HIVEP3: variants seen among roughly 807,000 people sequenced by gnomAD.
HIVEP3 encodes the protein transcription factor HIVEP3.
In HIVEP3, 49 loss-of-function variants were observed where a neutral mutation model predicts 152.8. The ratio of observed to expected loss-of-function variants is 0.32; its 90% CI spans 0.26 to 0.41. The LOEUF is 0.41. Ranked by LOEUF, HIVEP3 falls within the 10% of genes least tolerant of loss-of-function variation. The pLI is 1.00. For synonymous variants in HIVEP3, 1,269 were observed against 1,289.0 expected, an observed-to-expected ratio of 0.98 and a Z score of 0.33; for missense variants, 2,790 against 3,103.3, an observed-to-expected ratio of 0.90 and a Z score of 2.40.
rs1429649032 is a variant in HIVEP3, at chr1:41,526,935, AC to A, written c.5208-2026del. Among the ~76,000 whole-genome samples the A allele has an allele frequency of 2.4e-5, 3 of 125,778 alleles. No homozygotes were observed. The Admixed American group carries it at 2.5e-4, about 10-fold the overall frequency. 82.5% of individuals were successfully genotyped at this position (125,778 alleles called of 152,430 possible). ...TCTCCACACACACCCTCACATGCTC[AC>A]CCTCACACATGCTCACACCCCACTC... is the stretch of plus-strand genomic sequence containing the variant. On this transcript the variant is annotated intron_variant, in intron 5 of 8. Coordinates refer to ENST00000372583, the MANE Select transcript of HIVEP3 (RefSeq NM_024503.5).
chr1:41,545,528 T>C (rs1231978109), intron 5 of HIVEP3, among the ~76,000 whole-genome samples: 80 of 35,762 alleles, frequency 2.2e-3, no homozygotes, highest in East Asian at 3.9e-3. Flanking sequence ...TCACCACCAC[T>C]ACCATCACCA....
At chr1:41,955,536 C>T (rs1437590957) in intron 1 of HIVEP3, among the ~76,000 whole-genome samples, 1 of 152,196 alleles carries the variant, frequency 6.6e-6, no homozygotes, top group Admixed American at 6.5e-5. Context: ...ACAACAATGA[C>T]CTCACCGTAT....
chr1:41,897,479 G>A (rs777757186), intron 1 of HIVEP3, among the ~76,000 whole-genome samples: 2 of 152,116 alleles, frequency 1.3e-5, no homozygotes, highest in African/African-American at 2.4e-5. Context: ...CTGAGGACAC[G>A]TAGAAGGCAT....
chr1:41,576,205 T>G (rs1412630102), intron 4 of HIVEP3, among the ~76,000 whole-genome samples: 6 of 152,206 alleles, frequency 3.9e-5, no homozygotes. Flanking sequence ...ACAGGTCTCT[T>G]GCTTCCAGGA....
Position 41,527,197 on chromosome 1 carries a change from C to T in HIVEP3, c.5208-2287G>A, listed in dbSNP as rs143701096. Among the ~76,000 whole-genome samples, 172 of 133,722 alleles carry T rather than the reference C, an allele frequency of 1.3e-3. 7 individuals carry two copies. In the East Asian group the frequency reaches 0.034, roughly 27 times the overall value. The allele number at this position is 133,722 out of a possible 152,430, so 87.7% of individuals were successfully genotyped here. On this transcript the variant is annotated intron_variant, in intron 5 of 8. Transcript: ENST00000372583. ...ACACACCCACTCACCTTCACTCCCA[C>T]TCCCACACATGCTCACCCTCACACA...
At chr1:41,538,786 G>C (rs1469254961) in intron 5 of HIVEP3, among the ~76,000 whole-genome samples, 1 of 34,674 alleles carries the variant, frequency 2.9e-5, no homozygotes, top group Admixed American at 1.6e-4. Flanking sequence ...AGGGAGGCAG[G>C]CAGGAATGGG....
Position 41,825,097 on chromosome 1 carries a change from G to A in HIVEP3, c.-801+93316C>T, listed in dbSNP as rs147472638. ...GCTGTTTATTCACCTGGGTGCAGGC[G>A]GGCTGAGTCTGAGAAAGGAGTCAGC... On this transcript the variant is annotated intron_variant, in intron 1 of 8. Coordinates refer to ENST00000372583, the MANE Select transcript of HIVEP3 (RefSeq NM_024503.5). 3.6e-3 allele frequency among the ~76,000 whole-genome samples: 544 copies of A among 152,156 alleles called. 1 individual carries two copies. The highest frequency in any genetic ancestry group is 0.012 in the African/African-American group (489 of 41,486).
intron 8 of HIVEP3, among the ~76,000 whole-genome samples, chr1:41,512,174 C>T (rs527692605): frequency 6.6e-6 from 1 of 152,136 alleles, no homozygotes; most frequent in Admixed American, 6.5e-5. Context: ...TATTTGTCCC[C>T]GCCCAAATCT....
chr1:41,703,199 C>T (rs759976512), intron 1 of HIVEP3, among the ~76,000 whole-genome samples: 11 of 152,346 alleles, frequency 7.2e-5, no homozygotes, highest in Middle Eastern at 3.4e-3. Flanking sequence ...CAAGGCTCTG[C>T]TCATGATCTT....
At chr1:41,710,818 C>T (rs980627091) in intron 1 of HIVEP3, among the ~76,000 whole-genome samples, 4 of 152,180 alleles carry the variant, frequency 2.6e-5, no homozygotes, top group South Asian at 4.1e-4. Flanking sequence ...CATAGGATGG[C>T]GGCTGATCAT....
At chr1:41,764,072 A>G (rs1392358685) in intron 1 of HIVEP3, among the ~76,000 whole-genome samples, 2 of 149,616 alleles carry the variant, frequency 1.3e-5, no homozygotes, top group Non-Finnish European at 3.0e-5. Context: ...TGTCCCAGCT[A>G]TAGATGGGAA....
intron 1 of HIVEP3, among the ~76,000 whole-genome samples, chr1:41,946,267 G>GA (rs1398312990): frequency 6.6e-6 from 1 of 152,222 alleles, no homozygotes; most frequent in Admixed American, 6.5e-5. Context: ...CTCTGAGTCA[G>GA]AAGCCACTAA....
At chr1:41,874,569 TCAC>T (rs1644136241) in intron 1 of HIVEP3, among the ~76,000 whole-genome samples, 1 of 152,032 alleles carries the variant, frequency 6.6e-6, no homozygotes, top group Admixed American at 6.5e-5. Flanking sequence ...ACCACCAAAC[TCAC>T]CACCACCTCC....
At position 41,552,463 on chromosome 1, in the gene HIVEP3, C is replaced by A. The variant is rs1235188561; in HGVS notation, c.5207+23081G>T. The stretch of plus-strand genomic sequence containing the variant: ...ATTCCCACCTATGAGTGAGAATATG[C>A]GGTGTTTGGTTTTTTGTTCTTGCAA... On this transcript the variant is annotated intron_variant, in intron 5 of 8. Transcript: ENST00000372583. 5.5e-5 allele frequency among the ~76,000 whole-genome samples: 8 copies of A among 146,756 alleles called. No homozygotes were observed. The South Asian group carries it at 1.8e-3, about 32-fold the overall frequency.
chr1:41,545,023 C>A (rs796382278), intron 5 of HIVEP3, among the ~76,000 whole-genome samples: 1 of 100,848 alleles, frequency 9.9e-6, no homozygotes, highest in East Asian at 2.8e-4. Flanking sequence ...ACCACTACCA[C>A]CACCACCACC....
intron 5 of HIVEP3, among the ~76,000 whole-genome samples, chr1:41,539,656 A>G (rs559141705): frequency 8.3e-4 from 126 of 152,308 alleles, no homozygotes; most frequent in African/African-American, 2.9e-3. Flanking sequence ...CAGAGCTGGG[A>G]GGGCTGAGGC....
At position 41,583,727 on chromosome 1, in the gene HIVEP3, G is replaced by A. The variant is rs565638002; in HGVS notation, c.1071C>T (p.Thr357=). The A allele has an allele frequency of 1.2e-6, 2 of 1,605,424 alleles. No homozygotes were observed. Among genetic ancestry groups the A allele is most frequent in the South Asian group, 2.2e-5 (2 of 89,268 alleles). ...EHPLSHKPED[T]HTIKQKLALR... ...GGGCCAGCTTCTGCTTAATCGTGTG[G>A]GTGTCTTCAGGTTTATGGCTCAGGG... The change falls in exon 4 of 9, where the codon ACC becomes ACT. Residue 357 remains threonine, a synonymous_variant. Coordinates refer to ENST00000372583, the MANE Select transcript of HIVEP3 (RefSeq NM_024503.5). The surrounding 1 kb of genome is among the most constrained non-coding windows in gnomAD (Gnocchi z 6.9).
chr1:41,767,820 TCCATC>T, intron 1 of HIVEP3, among the ~76,000 whole-genome samples: 1 of 152,358 alleles, frequency 6.6e-6, no homozygotes, highest in Middle Eastern at 3.4e-3. Flanking sequence ...CCCAAACTTG[TCCATC>T]CTTAGTACAG....
At chr1:41,560,312 G>A (rs1375613101) in intron 5 of HIVEP3, among the ~76,000 whole-genome samples, 2 of 152,172 alleles carry the variant, frequency 1.3e-5, no homozygotes, top group South Asian at 2.1e-4. Flanking sequence ...TTGAACCCAG[G>A]TGTGCTGTTG....
Sources: gnomAD v4.1 joint callset for allele counts (sites outside exome capture counted in the v4.1 genomes callset) on GRCh38, gnomAD v4.1.1 for gene constraint, Gnocchi (gnomAD v3.1) non-coding constraint, MANE v1.5 for transcripts, NCBI Gene and HGNC (gene_info 2026-07-23, HGNC 2026-07-21) for gene names.